The following RFC5 variants were observed in gnomAD, a reference collection of about 807,000 sequenced individuals.
RFC5 encodes the protein replication factor C subunit 5, also known as A1 36 kDa subunit.
Under a neutral mutation model 44.3 loss-of-function variants are expected in RFC5, and 26 were observed. The ratio of observed to expected loss-of-function variants is 0.59; its 90% CI spans 0.43 to 0.81. The LOEUF is 0.81. Among genes scored for constraint, RFC5 ranks in the 40% least tolerant of loss-of-function variants. The pLI, the probability that RFC5 is intolerant of heterozygous loss-of-function variation, is 0.00. For synonymous variants in RFC5, 155 were observed against 155.2 expected, an observed-to-expected ratio of 1.00 and a Z score of 0.01; for missense variants, 328 against 418.6, an observed-to-expected ratio of 0.78 and a Z score of 1.89.
Position 118,020,890 on chromosome 12 carries a change from T to C in RFC5, c.268-16T>C. 4 of 1,584,120 alleles carry C rather than the reference T, an allele frequency of 2.5e-6. No homozygotes were observed. The highest frequency in any genetic ancestry group is 3.5e-6 in the Non-Finnish European group (4 of 1,153,916). On this transcript the variant is annotated splice_polypyrimidine_tract_variant and intron_variant, in intron 3 of 10. Coordinates refer to ENST00000454402, the MANE Select transcript of RFC5 (RefSeq NM_007370.7). ...GCAACATGGTTTTTGTTTTGTCTTC[T>C]GTCTTCCACATTTAGCTGAATGCTT...
At chr12:118,027,603 CAG>C (rs911679533) in intron 8 of RFC5, among the ~76,000 whole-genome samples, 6 of 150,432 alleles carry the variant, frequency 4.0e-5, no homozygotes, top group Non-Finnish European at 8.9e-5. Flanking sequence ...ACCCGGGAGG[CAG>C]AGGTTGCAGT....
intron 8 of RFC5, among the ~76,000 whole-genome samples, chr12:118,027,653 C>T (rs1439543335): frequency 6.9e-6 from 1 of 145,092 alleles, no homozygotes; most frequent in Non-Finnish European, 1.5e-5. Context: ...GCCTGGGTGA[C>T]AGAGGGAGAT....
At chr12:118,029,518 T>G (rs781382122) in intron 9 of RFC5, among the ~76,000 whole-genome samples, 1 of 152,254 alleles carries the variant, frequency 6.6e-6, no homozygotes, top group Non-Finnish European at 1.5e-5. Context: ...AGTGTGATCT[T>G]TGGTGCTCTT....
intron 7 of RFC5, among the ~76,000 whole-genome samples, chr12:118,026,173 G>A (rs1361669920): frequency 1.3e-5 from 2 of 151,862 alleles, no homozygotes; most frequent in African/African-American, 4.8e-5. Context: ...TCATTGTTTT[G>A]TAATAGTTTT....
intron 4 of RFC5, 101 bp downstream of exon 4, chr12:118,021,086 A>G (rs1401010743): frequency 3.2e-6 from 2 of 632,076 alleles, no homozygotes; most frequent in African/African-American, 1.8e-5. Flanking sequence ...ATGGGTTGAA[A>G]AAAAAAGTGA....
chr12:118,037,625 G>A (rs1443501623), downstream of RFC5, among the ~76,000 whole-genome samples: 3 of 150,378 alleles, frequency 2.0e-5, no homozygotes, highest in South Asian at 4.2e-4. Flanking sequence ...CCGAGATTGC[G>A]TCATTGCACT....
At chr12:118,040,635 C>T in the RFC5 span, among the ~76,000 whole-genome samples, 1 of 150,546 alleles carries the variant, frequency 6.6e-6, no homozygotes, top group African/African-American at 2.5e-5. Context: ...GTGGCACACA[C>T]CTGGAGGAGG....
downstream of RFC5, chr12:118,035,209 G>A (rs370700415): frequency 8.1e-6 from 13 of 1,613,892 alleles, no homozygotes; most frequent in Admixed American, 3.3e-5. Flanking sequence ...AGTTCTCTTC[G>A]TTACCTGTCA....
Position 118,019,549 on chromosome 12 carries a change from G to A in RFC5, c.131-83G>A. The stretch of plus-strand genomic sequence containing the variant: ...TTTGGACATTGAATTGGGTTGAAGA[G>A]CTTTCAGCCCAACTCAGGAGCCCAG... On this transcript the variant is annotated intron_variant, in intron 2 of 10. Transcript: ENST00000454402. The surrounding 1 kb of genome is among the most constrained non-coding windows in gnomAD (Gnocchi z 4.2). The A allele has an allele frequency of 1.3e-6, 2 of 1,506,634 alleles. No individual in the cohort carries two copies. Among genetic ancestry groups the A allele is most frequent in the Admixed American group, 1.8e-5 (1 of 54,122 alleles). The allele number at this position is 1,506,634 out of a possible 1,614,324, so 93.3% of individuals were successfully genotyped here.
intron 1 of RFC5, chr12:118,017,687 T>TA: frequency 1.2e-6 from 1 of 811,764 alleles, no homozygotes; most frequent in Non-Finnish European, 1.7e-6. Context: ...TTTTTTTTTT[T>TA]AGAGACAGGG....
chr12:118,017,994 G>T (rs2030215308), intron 1 of RFC5: 2 of 700,562 alleles, frequency 2.9e-6, no homozygotes, highest in South Asian at 3.0e-5. Flanking sequence ...CCTTCCTCTA[G>T]CCCCTGGCAA....
At chr12:118,017,866 G>T in intron 1 of RFC5, 1 of 667,180 alleles carries the variant, frequency 1.5e-6, no homozygotes, top group South Asian at 1.6e-5. Context: ...CAATTCAGTG[G>T]CATTAAGTAC....
At chr12:118,026,379 G>A (rs1566127044) in intron 7 of RFC5, among the ~76,000 whole-genome samples, 1 of 152,100 alleles carries the variant, frequency 6.6e-6, no homozygotes, top group South Asian at 2.1e-4. Flanking sequence ...GAGGGAGGTG[G>A]ATTGCCTGAG....
chr12:118,019,640 T>G lies in RFC5; in HGVS notation c.139T>G (p.Phe47Val), dbSNP rs1194865475. The change falls in exon 3 of 11, where the codon TTT (phenylalanine) becomes GTT (valine). Residue 47 changes from phenylalanine (F) to valine (V), a missense_variant. Coordinates refer to ENST00000454402, the MANE Select transcript of RFC5 (RefSeq NM_007370.7). The surrounding 1 kb of genome is among the most constrained non-coding windows in gnomAD (Gnocchi z 4.2). ...HQDILSTIQKFINEDRLPHLL... is the reference protein window; with the variant it reads ...HQDILSTIQKVINEDRLPHLL... The stretch of plus-strand genomic sequence containing the variant: ...TCCTTCCTGATCCTCAGTTCAGAAG[T>G]TTATCAATGAAGACCGACTGCCACA... 2 of 1,613,972 alleles carry G rather than the reference T, an allele frequency of 1.2e-6. No individual in the cohort carries two copies. Among genetic ancestry groups the G allele is most frequent in the Admixed American group, 3.3e-5 (2 of 59,994 alleles).
At chr12:118,021,430 C>T (rs1478884129) in intron 4 of RFC5, among the ~76,000 whole-genome samples, 1 of 151,930 alleles carries the variant, frequency 6.6e-6, no homozygotes, top group Non-Finnish European at 1.5e-5. Context: ...CTAGGCTGGT[C>T]TCGAACTCCT....
chr12:118,034,574 G>GCTCTCTCTCTCTCTCTCTCTTTCTCT, downstream of RFC5: 1 of 528,462 alleles, frequency 1.9e-6, no homozygotes, highest in Non-Finnish European at 3.3e-6. Flanking sequence ...ATACCAAAGC[G>GCTCTCTCTCTCTCTCTCTCTTTCTCT]CTCTCTCTGT....
At chr12:118,029,097 T>TA (rs1170009994) in intron 9 of RFC5, among the ~76,000 whole-genome samples, 1 of 152,250 alleles carries the variant, frequency 6.6e-6, no homozygotes. Context: ...AAACCAACTT[T>TA]AAAAAATCAG....
At chr12:118,038,049 T>C, downstream of RFC5, 1 of 381,562 alleles carries the variant, frequency 2.6e-6, no homozygotes, top group Non-Finnish European at 4.7e-6. Flanking sequence ...GTTTTCCCAT[T>C]TTATAAAGGG....
downstream of RFC5, among the ~76,000 whole-genome samples, chr12:118,037,172 A>C (rs537023752): frequency 6.6e-6 from 1 of 152,024 alleles, no homozygotes; most frequent in Admixed American, 6.5e-5. Flanking sequence ...AAAGAGTAAG[A>C]CTGTCTCAAA....
Sources: gnomAD v4.1 joint callset for allele counts (sites outside exome capture counted in the v4.1 genomes callset) on GRCh38, gnomAD v4.1.1 for gene constraint, Gnocchi (gnomAD v3.1) non-coding constraint, MANE v1.5 for transcripts, NCBI Gene and HGNC (gene_info 2026-07-23, HGNC 2026-07-21) for gene names.